The following MICALL1 variants were observed in gnomAD, a reference collection of about 807,000 sequenced individuals.
MICALL1 encodes the protein MICAL like 1.
Under a neutral mutation model 83.7 loss-of-function variants are expected in MICALL1, and 61 were observed. The observed-to-expected ratio is 0.73, with a 90% confidence interval of 0.59 to 0.90. MICALL1 has a LOEUF of 0.90. MICALL1 is among the 40% of genes least tolerant of loss of function. The pLI, the probability that MICALL1 is intolerant of heterozygous loss-of-function variation, is 0.00. For synonymous variants in MICALL1, 481 were observed against 473.6 expected, an observed-to-expected ratio of 1.02 and a Z score of -0.20; for missense variants, 1,066 against 1,152.0, an observed-to-expected ratio of 0.93 and a Z score of 1.08.
chr22:37,917,694 C>T lies in MICALL1; in HGVS notation c.338-13C>T, dbSNP rs1335868332. On this transcript the variant is annotated splice_polypyrimidine_tract_variant and intron_variant, in intron 3 of 15. Transcript: ENST00000215957. The stretch of plus-strand genomic sequence containing the variant: ...TCCACCTGCTTCAGGACCCCTTTCT[C>T]ATCTCTTGGCAGCTGGTGTCTCGCC... 1.9e-6 allele frequency: 3 copies of T among 1,613,040 alleles called. No homozygotes were observed. The highest frequency in any genetic ancestry group is 2.5e-6 in the Non-Finnish European group (3 of 1,179,432).
At chr22:37,909,585 C>T (rs1183867755) in intron 1 of MICALL1, among the ~76,000 whole-genome samples, 1 of 151,570 alleles carries the variant, frequency 6.6e-6, no homozygotes, top group Non-Finnish European at 1.5e-5. Context: ...GTCTCAATCT[C>T]CTGACCTCGT....
chr22:37,940,330 G>C (rs1321564953), intron 15 of MICALL1, among the ~76,000 whole-genome samples: 1 of 151,784 alleles, frequency 6.6e-6, no homozygotes, highest in Non-Finnish European at 1.5e-5. Flanking sequence ...GGCTGAGGCA[G>C]GAGAATCGCC....
At chr22:37,917,129 C>T (rs1262911866) in intron 3 of MICALL1, among the ~76,000 whole-genome samples, 1 of 152,118 alleles carries the variant, frequency 6.6e-6, no homozygotes, top group Admixed American at 6.6e-5. Flanking sequence ...ACCTCAGCCT[C>T]CCAAAGTGCT....
Position 37,922,432 on chromosome 22 carries a change from C to T in MICALL1, c.1024+6C>T. 6.6e-7 allele frequency: 1 copy of T among 1,512,638 alleles called. No homozygotes were observed. Among genetic ancestry groups the T allele is most frequent in the Non-Finnish European group, 8.8e-7 (1 of 1,135,442 alleles). The allele number at this position is 1,512,638 out of a possible 1,614,324, so 93.7% of individuals were successfully genotyped here. A position where few individuals can be genotyped will look rare whatever the true frequency, so the allele number is the denominator to read the frequency against. On this transcript the variant is annotated splice_donor_region_variant and intron_variant, in intron 6 of 15. Coordinates refer to ENST00000215957, the MANE Select transcript of MICALL1 (RefSeq NM_033386.4). ...CAGCAGCAGCCTGGTGAACGGTGAG[C>T]AGGGTGCAGTCAGGGCAGGGGGCAC...
chr22:37,911,702 CTGCT>C (rs1030643791), intron 1 of MICALL1, among the ~76,000 whole-genome samples: 1 of 152,186 alleles, frequency 6.6e-6, no homozygotes, highest in Admixed American at 6.5e-5. Flanking sequence ...TTCCTAGCCT[CTGCT>C]TGGATGCCTC....
intron 6 of MICALL1, 88 bp downstream of exon 6, chr22:37,922,514 C>T: frequency 9.9e-7 from 1 of 1,005,990 alleles, no homozygotes; most frequent in Non-Finnish European, 1.4e-6. Flanking sequence ...GTTGGTGGGC[C>T]CCTCTCCATC....
intron 5 of MICALL1, among the ~76,000 whole-genome samples, chr22:37,919,879 C>T (rs1191665056): frequency 6.6e-6 from 1 of 151,912 alleles, no homozygotes; most frequent in Non-Finnish European, 1.5e-5. Flanking sequence ...ATCCCGGCTA[C>T]TCGGGAAGCT....
At chr22:37,936,018 C>T (rs745567844) in intron 13 of MICALL1, among the ~76,000 whole-genome samples, 11 of 152,196 alleles carry the variant, frequency 7.2e-5, no homozygotes, top group African/African-American at 2.2e-4. Context: ...AGTGAGCCAC[C>T]GGGCCCGGCC....
chr22:37,922,457 C>A (rs973050343), intron 6 of MICALL1, 31 bp downstream of exon 6: 7 of 1,461,982 alleles, frequency 4.8e-6, no homozygotes, highest in Non-Finnish European at 6.3e-6. Context: ...GCAGGGGGCA[C>A]CGGGTGGCAG....
intron 1 of MICALL1, among the ~76,000 whole-genome samples, chr22:37,908,373 T>A (rs1226606745): frequency 6.6e-6 from 1 of 151,808 alleles, no homozygotes; most frequent in African/African-American, 2.4e-5. Flanking sequence ...CAGTCATGGC[T>A]CACTGCAGCC....
chr22:37,925,735 T>A lies in MICALL1; in HGVS notation c.1157T>A (p.Leu386His). The change falls in exon 8 of 16, where the codon CTT becomes CAT. Residue 386 changes from leucine to histidine, a missense_variant. By Grantham distance (99) the Leu-to-His change is moderately conservative. Transcript: ENST00000215957. ...QAEPKKKPAP[L>H]PPSSSPGPPS... ...GAACCAAAGAAGAAGCCAGCCCCAC[T>A]TCCCCCAAGCAGCAGCCCGGGGCCA... is the stretch of plus-strand genomic sequence containing the variant. 1.2e-6 allele frequency: 2 copies of A among 1,609,068 alleles called. No individual in the cohort carries two copies. The highest frequency in any genetic ancestry group is 8.5e-7 in the Non-Finnish European group (1 of 1,179,302).
At chr22:37,923,820 C>T (rs1176964195) in intron 6 of MICALL1, among the ~76,000 whole-genome samples, 1 of 152,142 alleles carries the variant, frequency 6.6e-6, no homozygotes, top group African/African-American at 2.4e-5. Context: ...GACCTCCATG[C>T]CCAGCCTCTA....
intron 13 of MICALL1, among the ~76,000 whole-genome samples, chr22:37,933,563 G>A (rs1337517908): frequency 2.0e-5 from 3 of 152,158 alleles, no homozygotes; most frequent in Admixed American, 1.3e-4. Context: ...GTGTTCTTGG[G>A]ACCAGGAGAC....
intron 5 of MICALL1, among the ~76,000 whole-genome samples, chr22:37,921,527 C>T (rs1196032428): frequency 2.6e-5 from 4 of 152,068 alleles, no homozygotes; most frequent in African/African-American, 9.7e-5. Flanking sequence ...GAGCCAAGGT[C>T]GCACCATTGC....
intron 15 of MICALL1, among the ~76,000 whole-genome samples, chr22:37,938,201 G>C (rs1930239475): frequency 6.6e-6 from 1 of 152,010 alleles, no homozygotes; most frequent in Non-Finnish European, 1.5e-5. Context: ...AGGAGATCAA[G>C]ACCATCAGGG....
At chr22:37,938,128 G>A (rs1601838965) in intron 15 of MICALL1, among the ~76,000 whole-genome samples, 1 of 152,108 alleles carries the variant, frequency 6.6e-6, no homozygotes, top group East Asian at 1.9e-4. Context: ...GAGTCCGTGG[G>A]CCCAAATAGC....
At chr22:37,915,215 G>A (rs1928601497) in intron 3 of MICALL1, among the ~76,000 whole-genome samples, 1 of 152,130 alleles carries the variant, frequency 6.6e-6, no homozygotes, top group Non-Finnish European at 1.5e-5. Context: ...TCACGCCAGT[G>A]CACTGCAGCC....
chr22:37,924,834 A>G lies in MICALL1; in HGVS notation c.1082+117A>G. On this transcript the variant is annotated intron_variant, in intron 7 of 15. Coordinates refer to ENST00000215957, the MANE Select transcript of MICALL1 (RefSeq NM_033386.4). This position sits in a 1 kb window ranked among gnomAD's most constrained non-coding sequence, Gnocchi z 5.2. ...GTGGATGGGCAGGGCGGGGCTCAGGAGGGGAAGGAGAGCTGGGCCCACACC... is the reference window on the plus strand; with the variant it reads ...GTGGATGGGCAGGGCGGGGCTCAGGGGGGGAAGGAGAGCTGGGCCCACACC... 1 of 1,001,366 alleles carries G rather than the reference A, an allele frequency of 1.0e-6. No individual in the cohort carries two copies. The highest frequency in any genetic ancestry group is 2.4e-5 in the Admixed American group (1 of 42,186). 62.0% of individuals were successfully genotyped at this position (1,001,366 alleles called of 1,614,324 possible). A position where few individuals can be genotyped will look rare whatever the true frequency, so the allele number is the denominator to read the frequency against.
chr22:37,914,615 G>C (rs147806293), intron 3 of MICALL1, among the ~76,000 whole-genome samples: 1 of 149,752 alleles, frequency 6.7e-6, no homozygotes, highest in Non-Finnish European at 1.5e-5. Context: ...ATGCGTGCGC[G>C]CACACACACA....
Sources: allele counts gnomAD v4.1 joint callset (sites outside exome capture counted in the v4.1 genomes callset), GRCh38; gene constraint gnomAD v4.1.1; non-coding constraint Gnocchi (gnomAD v3.1); transcripts MANE v1.5; gene names NCBI Gene and HGNC (gene_info 2026-07-23, HGNC 2026-07-21).